Variants in IQGAP1 observed in about 807,000 individuals in gnomAD.
IQGAP1 encodes ras GTPase-activating-like protein IQGAP1.
In IQGAP1, 66 loss-of-function variants were observed where a neutral mutation model predicts 215.6. That is an observed-to-expected ratio of 0.31 (90% confidence interval 0.25 to 0.38). The LOEUF (loss-of-function observed/expected upper bound fraction) is 0.38, where lower values mean the gene tolerates loss of function less well. Among genes scored for constraint, IQGAP1 ranks in the 10% least tolerant of loss-of-function variants. The probability of loss-of-function intolerance (pLI) is 1.00; values close to 1 mark genes in which losing one functional copy is unlikely to be tolerated. For synonymous variants in IQGAP1, 772 were observed against 728.7 expected, an observed-to-expected ratio of 1.06 and a Z score of -0.96; for missense variants, 1,712 against 1,997.1, an observed-to-expected ratio of 0.86 and a Z score of 2.72.
intron 13 of IQGAP1, among the ~76,000 whole-genome samples, chr15:90,454,209 A>G (rs1406783584): frequency 6.6e-6 from 1 of 152,172 alleles, no homozygotes; most frequent in African/African-American, 2.4e-5. Context: ...GCTGCCTTTA[A>G]TTCTAGAGTT....
chr15:90,388,958 A>C (rs912308420), intron 1 of IQGAP1, among the ~76,000 whole-genome samples: 1 of 152,066 alleles, frequency 6.6e-6, no homozygotes, highest in Non-Finnish European at 1.5e-5. Context: ...AAAAAAAAAG[A>C]AGCAGAAAAT....
chr15:90,449,759 C>A, intron 11 of IQGAP1, 116 bp downstream of exon 11: 1 of 725,080 alleles, frequency 1.4e-6, no homozygotes, highest in Non-Finnish European at 2.2e-6. Context: ...CCATAACCAA[C>A]TGCCAGGTAC....
At chr15:90,470,341 G>A (rs190028325) in intron 18 of IQGAP1, among the ~76,000 whole-genome samples, 46 of 152,148 alleles carry the variant, frequency 3.0e-4, no homozygotes, top group African/African-American at 1.1e-3. Context: ...TGCAGACCTT[G>A]TACTTTTTGT....
At chr15:90,416,779 G>A (rs1036019335) in intron 2 of IQGAP1, among the ~76,000 whole-genome samples, 15 of 152,070 alleles carry the variant, frequency 9.9e-5, no homozygotes, top group African/African-American at 3.1e-4. Context: ...GGAGTTCTCC[G>A]TGTTAGCCAG....
intron 2 of IQGAP1, among the ~76,000 whole-genome samples, chr15:90,417,913 TGAA>T (rs1965076386): frequency 6.6e-6 from 1 of 152,238 alleles, no homozygotes; most frequent in South Asian, 2.1e-4. Flanking sequence ...TAGTTCTCCT[TGAA>T]GAGGTCCTTC....
chr15:90,473,570 G>A (rs905135312), intron 19 of IQGAP1, 145 bp from the exon 20 acceptor site: 4 of 623,644 alleles, frequency 6.4e-6, no homozygotes, highest in Non-Finnish European at 1.1e-5. Context: ...CCGTGCCCTT[G>A]TTCCCCTGTC....
chr15:90,477,004 T>C, intron 24 of IQGAP1, 63 bp from the exon 25 acceptor site: 1 of 1,495,320 alleles, frequency 6.7e-7, no homozygotes, highest in Non-Finnish European at 9.2e-7. Context: ...TTTTAAATAA[T>C]TGAATATATC....
In IQGAP1 at chr15:90,477,841, T is replaced by C; in HGVS notation, c.3281T>C (p.Ile1094Thr). 1 of 1,614,022 alleles carries C rather than the reference T, an allele frequency of 6.2e-7. No individual in the cohort carries two copies. The highest frequency in any genetic ancestry group is 8.5e-7 in the Non-Finnish European group (1 of 1,179,938). ...AACATCAAAACTGACCCTGTGGATA[T>C]TTACAAATCTTGGGTTAATCAGATG... The part of the protein sequence containing the change: ...SLNIKTDPVD[I>T]YKSWVNQMES... The change falls in exon 26 of 38, where the codon ATT becomes ACT. Residue 1094 changes from isoleucine (I) to threonine (T), a missense_variant. By Grantham distance (89) the Ile-to-Thr change is moderately conservative (BLOSUM62 -1). Transcript: ENST00000268182.
At chr15:90,476,121 T>C (rs1048292985) in intron 23 of IQGAP1, among the ~76,000 whole-genome samples, 12 of 151,974 alleles carry the variant, frequency 7.9e-5, no homozygotes, top group African/African-American at 2.9e-4. Flanking sequence ...TTATAAGAGA[T>C]AGGGTATCTT....
intron 2 of IQGAP1, among the ~76,000 whole-genome samples, chr15:90,416,019 T>A (rs1965041928): frequency 6.6e-6 from 1 of 152,202 alleles, no homozygotes; most frequent in Non-Finnish European, 1.5e-5. Flanking sequence ...TTTTGTTTTT[T>A]AATTTTTTTA....
At chr15:90,411,939 C>G (rs1206834882) in intron 2 of IQGAP1, among the ~76,000 whole-genome samples, 1 of 152,028 alleles carries the variant, frequency 6.6e-6, no homozygotes, top group Admixed American at 6.5e-5. Flanking sequence ...ACACATCCCA[C>G]AAAATCCACC....
chr15:90,460,715 C>G (rs1295879406), intron 15 of IQGAP1, among the ~76,000 whole-genome samples: 1 of 152,164 alleles, frequency 6.6e-6, no homozygotes, highest in Non-Finnish European at 1.5e-5. Flanking sequence ...ATTGAAAAAA[C>G]TGGCCGGGTG....
chr15:90,473,878 A>G lies in IQGAP1; in HGVS notation c.2434-18A>G, dbSNP rs1475186727. On this transcript the variant is annotated intron_variant, in intron 20 of 37. Transcript: ENST00000268182. The stretch of plus-strand genomic sequence containing the variant: ...GAGATGAAGGACTCTTCTAATTTCC[A>G]GGATCCCTTTTCCACAGATTCAGTC... 2.5e-6 allele frequency: 4 copies of G among 1,613,472 alleles called. No homozygotes were observed. In the African/African-American group the frequency reaches 4.0e-5, roughly 16 times the overall value.
intron 26 of IQGAP1, 89 bp from the exon 27 acceptor site, chr15:90,481,871 T>G: frequency 2.2e-6 from 3 of 1,365,042 alleles, no homozygotes; most frequent in Non-Finnish European, 3.1e-6. Context: ...TATTTCTGGG[T>G]CTTATAGTTT....
intron 2 of IQGAP1, among the ~76,000 whole-genome samples, chr15:90,424,452 A>T (rs1374195391): frequency 6.6e-6 from 1 of 152,240 alleles, no homozygotes; most frequent in Non-Finnish European, 1.5e-5. Flanking sequence ...AGTATAGGAA[A>T]CAACCAGAAA....
At chr15:90,451,285 C>T (rs993792110) in intron 11 of IQGAP1, among the ~76,000 whole-genome samples, 2 of 152,114 alleles carry the variant, frequency 1.3e-5, no homozygotes, top group Non-Finnish European at 2.9e-5. Flanking sequence ...TTTATTAGCT[C>T]ACAGCTCTGC....
intron 2 of IQGAP1, among the ~76,000 whole-genome samples, chr15:90,395,559 A>G (rs2151000972): frequency 6.6e-6 from 1 of 152,268 alleles, no homozygotes; most frequent in African/African-American, 2.4e-5. Flanking sequence ...TGACCTCGTG[A>G]TCCGCCCGCC....
At chr15:90,487,819 A>G (rs1966148100) in intron 33 of IQGAP1, among the ~76,000 whole-genome samples, 1 of 152,160 alleles carries the variant, frequency 6.6e-6, no homozygotes, top group African/African-American at 2.4e-5. Context: ...CATTGTGCCC[A>G]TCCCGTATAT....
chr15:90,496,380 T>C (rs942301886), intron 36 of IQGAP1, among the ~76,000 whole-genome samples: 11 of 144,004 alleles, frequency 7.6e-5, no homozygotes, highest in Non-Finnish European at 1.3e-4. Context: ...GCAGTGGTGA[T>C]AGGGTATGGT....
Sources: allele counts gnomAD v4.1 joint callset (sites outside exome capture counted in the v4.1 genomes callset), GRCh38; gene constraint gnomAD v4.1.1; transcripts MANE v1.5; gene names NCBI Gene and HGNC (gene_info 2026-07-23, HGNC 2026-07-21).